Variants in SLC25A26 observed in about 807,000 individuals in gnomAD.
The protein encoded by SLC25A26 is solute carrier family 25 member 26, also known as mitochondrial S-adenosylmethionine carrier protein.
Under a neutral mutation model 37.8 loss-of-function variants are expected in SLC25A26, and 36 were observed. That is an observed-to-expected ratio of 0.95 (90% CI 0.73 to 1.26). The LOEUF is 1.26. Among genes scored for constraint, SLC25A26 ranks in the 50% most tolerant of loss-of-function variants. The probability of loss-of-function intolerance (pLI) is 0.00; values close to 1 mark genes in which losing one functional copy is unlikely to be tolerated. For synonymous variants in SLC25A26, 129 were observed against 122.5 expected, an observed-to-expected ratio of 1.05 and a Z score of -0.35; for missense variants, 390 against 331.1, an observed-to-expected ratio of 1.18 and a Z score of -1.38.
At chr3:66,268,207 GC>G (rs1247178380) in intron 5 of SLC25A26, among the ~76,000 whole-genome samples, 1 of 152,244 alleles carries the variant, frequency 6.6e-6, no homozygotes, top group Non-Finnish European at 1.5e-5. Flanking sequence ...CAGACATGCT[GC>G]AGTGAGTGAT....
chr3:66,224,265 T>C (rs2071636108), intron 1 of SLC25A26, among the ~76,000 whole-genome samples: 1 of 152,228 alleles, frequency 6.6e-6, no homozygotes. Context: ...CTAACAAAGA[T>C]ACCTGAGACT....
intron 1 of SLC25A26, among the ~76,000 whole-genome samples, chr3:66,143,680 T>A (rs1030217686): frequency 1.3e-5 from 2 of 152,104 alleles, no homozygotes; most frequent in African/African-American, 4.8e-5. Flanking sequence ...GACCAGGAGT[T>A]CGAGACCAGT....
At chr3:66,311,281 C>T (rs761271662) in intron 5 of SLC25A26, among the ~76,000 whole-genome samples, 19 of 151,846 alleles carry the variant, frequency 1.3e-4, no homozygotes, top group Non-Finnish European at 2.2e-4. Context: ...TTGATCGATT[C>T]GGCTATTGAT....
intron 5 of SLC25A26, among the ~76,000 whole-genome samples, chr3:66,277,537 GTTAA>G (rs1050921616): frequency 2.6e-5 from 4 of 152,030 alleles, no homozygotes; most frequent in Admixed American, 6.6e-5. Flanking sequence ...TGATGGATGT[GTTAA>G]TTAATTTGAT....
At chr3:66,171,038 C>T (rs1177157151) in intron 1 of SLC25A26, among the ~76,000 whole-genome samples, 2 of 151,520 alleles carry the variant, frequency 1.3e-5, no homozygotes, top group African/African-American at 4.9e-5. Flanking sequence ...CTCCTGACCT[C>T]GTGATCCGCC....
At position 66,196,362 on chromosome 3, in the gene SLC25A26, C is replaced by T. The variant is rs1249295983; in HGVS notation, c.-353-24380C>T. 2.0e-5 allele frequency among the ~76,000 whole-genome samples: 3 copies of T among 152,174 alleles called. No homozygotes were observed. The East Asian group carries it at 5.8e-4, about 29-fold the overall frequency. Reference sequence around the variant, plus strand: ...GTGTCAAAGACCCCCTAGGCACATACCTGAGATGAATAAATTGGGCTTATT... The same window carrying T: ...GTGTCAAAGACCCCCTAGGCACATATCTGAGATGAATAAATTGGGCTTATT... On this transcript the variant is annotated intron_variant, in intron 1 of 10. Transcript: ENST00000676754.
chr3:66,304,520 A>G (rs1576835666), intron 5 of SLC25A26: 2 of 455,860 alleles, frequency 4.4e-6, no homozygotes, highest in Non-Finnish European at 8.8e-6. Flanking sequence ...TGTGGCTTGT[A>G]TACATGCTGT....
At chr3:66,372,611 G>T in intron 9 of SLC25A26, among the ~76,000 whole-genome samples, 1 of 152,260 alleles carries the variant, frequency 6.6e-6, no homozygotes, top group East Asian at 1.9e-4. Context: ...GAAGTCATGG[G>T]CTCTAGTCAG....
chr3:66,146,907 T>C (rs1171872504), intron 1 of SLC25A26, among the ~76,000 whole-genome samples: 2 of 152,152 alleles, frequency 1.3e-5, no homozygotes, highest in South Asian at 2.1e-4. Flanking sequence ...CTCCCACTTA[T>C]AAGTGAGAAC....
In SLC25A26 at chr3:66,205,830, T is replaced by C. The variant is rs953512772; in HGVS notation, c.-353-14912T>C. On this transcript the variant is annotated intron_variant, in intron 1 of 10. Coordinates refer to the SLC25A26 transcript ENST00000676754. ...TTTGTTCATAGGGCATCTGTCTTAA[T>C]TTGGATCTCCTCTACCATGGACCCT... Among the ~76,000 whole-genome samples the C allele has an allele frequency of 7.6e-3, 1,163 of 152,300 alleles. 20 individuals carry two copies. The highest frequency in any genetic ancestry group is 0.027 in the African/African-American group (1,121 of 41,554).
At chr3:66,264,951 CTTTTG>C (rs1211258744) in intron 5 of SLC25A26, among the ~76,000 whole-genome samples, 2 of 152,162 alleles carry the variant, frequency 1.3e-5, no homozygotes, top group Non-Finnish European at 1.5e-5. Context: ...GGGAAATTTT[CTTTTG>C]TTCTGTTTGG....
At chr3:66,295,883 C>G (rs1455254508) in intron 5 of SLC25A26, among the ~76,000 whole-genome samples, 5 of 151,890 alleles carry the variant, frequency 3.3e-5, no homozygotes, top group Non-Finnish European at 7.4e-5. Flanking sequence ...CTTTGGGAAG[C>G]CGAGATGGGT....
chr3:66,304,543 C>T, intron 5 of SLC25A26: 2 of 450,774 alleles, frequency 4.4e-6, no homozygotes, highest in Non-Finnish European at 4.4e-6. Context: ...TACTGGTAAG[C>T]TCTGTAACAA....
intron 1 of SLC25A26, among the ~76,000 whole-genome samples, chr3:66,206,529 A>T: frequency 1.3e-5 from 2 of 152,322 alleles, no homozygotes; most frequent in South Asian, 4.1e-4. Context: ...TGTAATGCAC[A>T]ATCTGCAAGG....
intron 1 of SLC25A26, among the ~76,000 whole-genome samples, chr3:66,204,994 TG>T (rs1408546652): frequency 3.3e-5 from 5 of 152,216 alleles, no homozygotes; most frequent in Non-Finnish European, 5.9e-5. Flanking sequence ...AAACAGATTC[TG>T]CTGATTCCAT....
chr3:66,245,266 A>C (rs900441376), intron 3 of SLC25A26, among the ~76,000 whole-genome samples: 9 of 150,188 alleles, frequency 6.0e-5, no homozygotes, highest in South Asian at 2.1e-4. Context: ...AAAAAAAAAA[A>C]ACAAAACCTC....
chr3:66,206,453 C>A (rs1373155850), intron 1 of SLC25A26, among the ~76,000 whole-genome samples: 1 of 152,218 alleles, frequency 6.6e-6, no homozygotes, highest in African/African-American at 2.4e-5. Context: ...CTGCCTGGAG[C>A]TGGGCAATGA....
chr3:66,306,560 T>C (rs957900007), intron 5 of SLC25A26, among the ~76,000 whole-genome samples: 1 of 152,178 alleles, frequency 6.6e-6, no homozygotes, highest in Non-Finnish European at 1.5e-5. Flanking sequence ...TACATAGGTA[T>C]ACATGTGCCA....
chr3:66,330,489 C>A (rs1412086020), intron 5 of SLC25A26, among the ~76,000 whole-genome samples: 1 of 152,058 alleles, frequency 6.6e-6, no homozygotes, highest in Admixed American at 6.6e-5. Flanking sequence ...AAATATATTT[C>A]ATGTGTGTCT....
Sources: allele counts gnomAD v4.1 joint callset (sites outside exome capture counted in the v4.1 genomes callset), GRCh38; gene constraint gnomAD v4.1.1; transcripts MANE v1.5; gene names NCBI Gene and HGNC (gene_info 2026-07-23, HGNC 2026-07-21).